The following SLF1 variants were observed in gnomAD, a reference collection of about 807,000 sequenced individuals.
SLF1 encodes the protein SMC5-SMC6 complex localization factor protein 1.
A neutral mutation model predicts 123.0 loss-of-function variants in SLF1; 105 were observed. That is an observed-to-expected ratio of 0.85 (90% CI 0.73 to 1.00). The LOEUF (loss-of-function observed/expected upper bound fraction) is 1.00. SLF1 is among the 50% of genes least tolerant of loss of function. The pLI is 0.00. For missense variants in SLF1, 1,239 were observed against 1,223.0 expected, an observed-to-expected ratio of 1.01 and a Z score of -0.20; for synonymous variants, 434 against 406.6, an observed-to-expected ratio of 1.07 and a Z score of -0.81.
At chr5:94,686,508 T>C in intron 15 of SLF1, 65 bp from the exon 16 acceptor site, 1 of 1,539,866 alleles carries the variant, frequency 6.5e-7, no homozygotes, top group East Asian at 2.3e-5. Context: ...ACTAAGGAAA[T>C]AGCCTATGGA....
intron 11 of SLF1, among the ~76,000 whole-genome samples, chr5:94,664,280 A>C (rs970845567): frequency 6.6e-6 from 1 of 152,194 alleles, no homozygotes; most frequent in African/African-American, 2.4e-5. Flanking sequence ...TATAGTATAC[A>C]TAATGAACAT....
chr5:94,629,142 A>G lies in SLF1; in HGVS notation c.165A>G (p.Glu55=). ...TAGCTGAACGCCTATGTAAGAGTGA[A>G]AAATTTTTAGCAGCTTGTGCGGCAG... The part of the protein sequence containing the change: ...HLIAERLCKS[E]KFLAACAAGK... The change falls in exon 3 of 21, where the codon GAA becomes GAG. Residue 55 remains glutamate, a synonymous_variant. Transcript: ENST00000265140. The G allele has an allele frequency of 1.9e-6, 3 of 1,548,608 alleles. No individual in the cohort carries two copies. Among genetic ancestry groups the G allele is most frequent in the Non-Finnish European group, 2.6e-6 (3 of 1,145,866 alleles).
intron 7 of SLF1, among the ~76,000 whole-genome samples, chr5:94,652,977 C>A (rs1340849181): frequency 6.6e-6 from 1 of 152,208 alleles, no homozygotes. Context: ...CCTGCCTCAG[C>A]CTCCCAAGTA....
At chr5:94,688,338 C>G (rs1752685020) in intron 16 of SLF1, among the ~76,000 whole-genome samples, 168 bp from the exon 17 acceptor site, 1 of 152,052 alleles carries the variant, frequency 6.6e-6, no homozygotes, top group South Asian at 2.1e-4. Context: ...GACTTTGACA[C>G]AAAACTAGTT....
At chr5:94,658,011 C>T (rs1463777860) in intron 9 of SLF1, among the ~76,000 whole-genome samples, 1 of 151,970 alleles carries the variant, frequency 6.6e-6, no homozygotes, top group East Asian at 1.9e-4. Flanking sequence ...CAGTCTATAT[C>T]TTTTATGTGG....
At chr5:94,651,616 G>A in intron 6 of SLF1, 86 bp from the exon 7 acceptor site, 2 of 1,083,218 alleles carry the variant, frequency 1.8e-6, no homozygotes, top group Non-Finnish European at 2.5e-6. Flanking sequence ...GTTCCTGGAT[G>A]GGTTTTTCTT....
chr5:94,685,365 AT>A (rs1752293720), intron 15 of SLF1, among the ~76,000 whole-genome samples: 1 of 152,090 alleles, frequency 6.6e-6, no homozygotes, highest in Admixed American at 6.6e-5. Context: ...CTTATTCTTT[AT>A]TCTTCCAGTA....
intron 7 of SLF1, among the ~76,000 whole-genome samples, chr5:94,652,261 C>T (rs571421460): frequency 1.2e-3 from 188 of 152,190 alleles, no homozygotes; most frequent in African/African-American, 4.4e-3. Flanking sequence ...TGCCCACCTC[C>T]GCCTCCCAAA....
At chr5:94,643,602 TC>T (rs1436092435) in intron 5 of SLF1, among the ~76,000 whole-genome samples, 167 bp downstream of exon 5, 88 of 152,286 alleles carry the variant, frequency 5.8e-4, no homozygotes, top group Admixed American at 1.1e-3. Flanking sequence ...ACTTAAATAT[TC>T]ATGAATACTT....
intron 14 of SLF1, among the ~76,000 whole-genome samples, chr5:94,673,411 C>T (rs895229081): frequency 1.3e-5 from 2 of 151,764 alleles, no homozygotes; most frequent in Admixed American, 1.3e-4. Flanking sequence ...GCAGTGGTTC[C>T]TGCCTGTAAT....
chr5:94,630,955 ATC>A (rs1182422273), intron 4 of SLF1, among the ~76,000 whole-genome samples: 1 of 152,148 alleles, frequency 6.6e-6, no homozygotes, highest in Admixed American at 6.6e-5. Context: ...TATTCTGGAT[ATC>A]TCTATTTTAC....
chr5:94,647,234 G>C (rs1457101662), intron 5 of SLF1, among the ~76,000 whole-genome samples: 1 of 152,166 alleles, frequency 6.6e-6, no homozygotes, highest in Non-Finnish European at 1.5e-5. Context: ...CTAGTCATAG[G>C]ATTGTGAAAT....
At chr5:94,670,059 TC>T in intron 12 of SLF1, 91 bp from the exon 13 acceptor site, 1 of 1,221,328 alleles carries the variant, frequency 8.2e-7, no homozygotes, top group Non-Finnish European at 1.1e-6. Flanking sequence ...TTATTAAAAT[TC>T]CAGCAGTATT....
At chr5:94,621,922 G>A (rs1348302958) in intron 1 of SLF1, among the ~76,000 whole-genome samples, 3 of 151,594 alleles carry the variant, frequency 2.0e-5, no homozygotes, top group African/African-American at 7.3e-5. Context: ...ACGTGCGTGT[G>A]CATCTCTCCT....
intron 1 of SLF1, among the ~76,000 whole-genome samples, chr5:94,627,601 T>TATATATAC (rs1554061285): frequency 1.5e-5 from 2 of 134,478 alleles, no homozygotes; most frequent in African/African-American, 5.8e-5. Flanking sequence ...TATATATATA[T>TATATATAC]ATATATATAT....
In SLF1 at chr5:94,692,210, G is replaced by A. The variant is rs773538655; in HGVS notation, c.2649G>A (p.Leu883=). The change falls in exon 20 of 21, where the codon CTG becomes CTA. Residue 883 remains leucine, a synonymous_variant. Transcript: ENST00000265140. The part of the protein sequence containing the change: ...VDGVTPLHDA[L]SNGHVEIGKL... The stretch of plus-strand genomic sequence containing the variant: ...GGGTGACTCCTTTGCATGATGCACT[G>A]TCAAACGGACATGTAGAAATTGGCA... 9 of 1,613,682 alleles carry A rather than the reference G, an allele frequency of 5.6e-6. No individual in the cohort carries two copies.
chr5:94,668,292 C>G (rs549860622), intron 12 of SLF1, among the ~76,000 whole-genome samples: 2 of 152,224 alleles, frequency 1.3e-5, no homozygotes, highest in African/African-American at 4.8e-5. Context: ...AGGTGCCCAC[C>G]ACCACACCTG....
intron 9 of SLF1, among the ~76,000 whole-genome samples, chr5:94,655,729 C>T (rs1411493858): frequency 6.6e-6 from 1 of 151,882 alleles, no homozygotes; most frequent in African/African-American, 2.4e-5. Context: ...GGGATTGCTT[C>T]TGTGATTGAT....
chr5:94,660,048 G>C (rs1428122807), intron 9 of SLF1, among the ~76,000 whole-genome samples: 1 of 152,280 alleles, frequency 6.6e-6, no homozygotes, highest in African/African-American at 2.4e-5. Flanking sequence ...CTAGTTGTTT[G>C]CATAGGTGCT....
Sources: allele counts gnomAD v4.1 joint callset (sites outside exome capture counted in the v4.1 genomes callset), GRCh38; gene constraint gnomAD v4.1.1; transcripts MANE v1.5; gene names NCBI Gene and HGNC (gene_info 2026-07-23, HGNC 2026-07-21).